MRPS27: variants seen among roughly 807,000 people sequenced by gnomAD.
MRPS27 encodes mitochondrial ribosomal protein S27, also known as small ribosomal subunit protein mS27.
MRPS27 carries 43 observed loss-of-function variants against 48.9 expected under a neutral mutation model. The observed-to-expected ratio is 0.88, with a 90% CI of 0.69 to 1.13. MRPS27 has a LOEUF of 1.13. MRPS27 is among the 50% of genes most tolerant of loss of function. The probability of loss-of-function intolerance (pLI) is 0.00; values close to 1 mark genes in which losing one functional copy is unlikely to be tolerated. For missense variants in MRPS27, 467 were observed against 476.3 expected (o/e 0.98, Z 0.18); for synonymous variants, 188 against 171.9 (o/e 1.09, Z -0.73).
chr5:72,239,283 A>C (rs746511550), intron 4 of MRPS27, among the ~76,000 whole-genome samples: 1 of 152,184 alleles, frequency 6.6e-6, no homozygotes, highest in Admixed American at 6.5e-5. Flanking sequence ...TTTCCTCTGA[A>C]CAGGTTCTCT....
chr5:72,278,157 A>G (rs1749427243), intron 4 of MRPS27, among the ~76,000 whole-genome samples: 1 of 152,128 alleles, frequency 6.6e-6, no homozygotes, highest in Non-Finnish European at 1.5e-5. Flanking sequence ...AAATTTTAAA[A>G]TCTGGCCAGG....
intron 4 of MRPS27, among the ~76,000 whole-genome samples, chr5:72,263,307 T>A (rs572444010): frequency 3.0e-4 from 45 of 152,076 alleles, no homozygotes; most frequent in Admixed American, 5.9e-4. Context: ...CCATAAAACT[T>A]AAAGCCATAA....
chr5:72,314,326 C>T (rs534826039), intron 1 of MRPS27, 168 bp from the exon 2 acceptor site: 25 of 459,254 alleles, frequency 5.4e-5, no homozygotes, highest in Non-Finnish European at 8.1e-5. Flanking sequence ...CAGTGAAGAA[C>T]AAAATGCATT....
In MRPS27 at chr5:72,232,602, G is replaced by A. The variant is rs771283343; in HGVS notation, c.476-44C>T. The A allele has an allele frequency of 1.0e-4, 134 of 1,309,770 alleles. 1 individual carries two copies. The Admixed American group carries it at 2.3e-3, about 23-fold the overall frequency. The allele number at this position is 1,309,770 out of a possible 1,614,324, so 81.1% of individuals were successfully genotyped here. A position where few individuals can be genotyped will look rare whatever the true frequency, so the allele number is the denominator to read the frequency against. ...AAAAAAGAGAGGAAATTAGTTGTAGGTAATATTACTAAATCTCTATTTAAC... is the reference window on the plus strand; with the variant it reads ...AAAAAAGAGAGGAAATTAGTTGTAGATAATATTACTAAATCTCTATTTAAC... On this transcript the variant is annotated intron_variant, in intron 6 of 10. Transcript: ENST00000261413.
intron 1 of MRPS27, chr5:72,319,899 A>G: frequency 1.9e-6 from 1 of 518,478 alleles, no homozygotes; most frequent in East Asian, 3.4e-5. Context: ...AAATCTGGCG[A>G]ATCATACGCA....
intron 6 of MRPS27, 90 bp from the exon 7 acceptor site, chr5:72,232,648 G>C: frequency 1.1e-6 from 1 of 887,954 alleles, no homozygotes; most frequent in Non-Finnish European, 1.7e-6. Context: ...CTTAAAACGT[G>C]GGGCATGGTT....
intron 4 of MRPS27, among the ~76,000 whole-genome samples, chr5:72,288,087 A>G (rs1749721646): frequency 6.6e-6 from 1 of 152,232 alleles, no homozygotes. Flanking sequence ...AGCTAGGTGG[A>G]ATGCTTAAGC....
At chr5:72,229,617 T>G (rs1025612253) in intron 7 of MRPS27, 5 of 152,382 alleles carry the variant, frequency 3.3e-5, no homozygotes, top group African/African-American at 4.8e-5. Flanking sequence ...AGTAACAGGC[T>G]GTAGTAGGGG....
At position 72,265,283 on chromosome 5, in the gene MRPS27, A is replaced by T. The variant is rs114795892; in HGVS notation, c.282-27155T>A. Among the ~76,000 whole-genome samples, 480 of 152,304 alleles carry T rather than the reference A, an allele frequency of 3.2e-3. 1 individual carries two copies. The highest frequency in any genetic ancestry group is 0.011 in the African/African-American group (466 of 41,552). The stretch of plus-strand genomic sequence containing the variant: ...TGCTACCAGTGTGCAATGTAACCTG[A>T]GTGATACAAACTAAGGCTGTTTGCT... On this transcript the variant is annotated intron_variant, in intron 4 of 10. Transcript: ENST00000261413.
chr5:72,256,861 A>G (rs1748822936), intron 4 of MRPS27, among the ~76,000 whole-genome samples: 1 of 152,222 alleles, frequency 6.6e-6, no homozygotes, highest in Non-Finnish European at 1.5e-5. Context: ...AGCCTTATAT[A>G]TTGATCCACT....
At chr5:72,255,024 CTTTTCTTTTTTTTTTTT>C (rs1748761819) in intron 4 of MRPS27, among the ~76,000 whole-genome samples, 1 of 91,870 alleles carries the variant, frequency 1.1e-5, no homozygotes, top group African/African-American at 4.3e-5. Context: ...TAACACATTT[CTTTTCTTTTTTTTTTTT>C]TTTTTTTTTT....
At chr5:72,311,848 T>C (rs544666727) in intron 2 of MRPS27, among the ~76,000 whole-genome samples, 1 of 152,358 alleles carries the variant, frequency 6.6e-6, no homozygotes, top group East Asian at 1.9e-4. Context: ...TAAAATTATT[T>C]CCCGCTGGGC....
intron 1 of MRPS27, among the ~76,000 whole-genome samples, chr5:72,316,045 A>T (rs1368247395): frequency 6.6e-6 from 1 of 152,254 alleles, no homozygotes; most frequent in Non-Finnish European, 1.5e-5. Flanking sequence ...TGGCAATAAA[A>T]AATGAAGTAC....
intron 2 of MRPS27, among the ~76,000 whole-genome samples, chr5:72,298,712 CA>C (rs1259668404): frequency 3.6e-4 from 11 of 30,562 alleles, no homozygotes; most frequent in Non-Finnish European, 7.1e-4. Context: ...GACTCCGTCT[CA>C]AAAAAAAAAA....
At chr5:72,299,143 A>G (rs182356114) in intron 2 of MRPS27, among the ~76,000 whole-genome samples, 120 of 152,252 alleles carry the variant, frequency 7.9e-4, no homozygotes, top group African/African-American at 2.7e-3. Flanking sequence ...GAAGGGGGCA[A>G]GGGCTGACAA....
intron 4 of MRPS27, among the ~76,000 whole-genome samples, chr5:72,242,397 G>C (rs1748375260): frequency 1.5e-5 from 2 of 135,414 alleles, no homozygotes; most frequent in Non-Finnish European, 3.1e-5. Flanking sequence ...TCTTAGAAGG[G>C]AAGAGAGGTT....
intron 2 of MRPS27, among the ~76,000 whole-genome samples, chr5:72,308,578 G>GC (rs1750348662): frequency 6.6e-6 from 1 of 152,220 alleles, no homozygotes; most frequent in South Asian, 2.1e-4. Flanking sequence ...ATTCCCGCAG[G>GC]GGCCACACTG....
Position 72,320,196 on chromosome 5 carries a change from CCGCGCCGCACTATGGAGG to C in MRPS27, c.8_25del (p.Ala3_Arg8del). The C allele has an allele frequency of 6.2e-7, 1 of 1,613,974 alleles. No individual in the cohort carries two copies. The highest frequency in any genetic ancestry group is 8.5e-7 in the Non-Finnish European group (1 of 1,179,912). ...AACCACTTGCCGCGCCAGGAGCATC[CCGCGCCGCACTATGGAGG>C]CAGCCATCTTGGAGCGTACCAAAAG... is the stretch of plus-strand genomic sequence containing the variant. On this transcript the variant is annotated inframe_deletion, in exon 1 of 11. Transcript: ENST00000261413.
At chr5:72,289,701 G>A (rs1286100340) in intron 4 of MRPS27, among the ~76,000 whole-genome samples, 3 of 152,068 alleles carry the variant, frequency 2.0e-5, no homozygotes, top group Non-Finnish European at 4.4e-5. Context: ...GGCATGAGCC[G>A]CTGTGCCTGG....
Sources: allele counts gnomAD v4.1 joint callset (sites outside exome capture counted in the v4.1 genomes callset), GRCh38; gene constraint gnomAD v4.1.1; transcripts MANE v1.5; gene names NCBI Gene and HGNC (gene_info 2026-07-23, HGNC 2026-07-21).